The following CTBP1 variants were observed in gnomAD, a reference collection of about 807,000 sequenced individuals.
The protein encoded by CTBP1 is C-terminal-binding protein 1.
In CTBP1, 11 loss-of-function variants were observed where a neutral mutation model predicts 42.1. The observed-to-expected ratio is 0.26, with a 90% CI of 0.16 to 0.43. The LOEUF (loss-of-function observed/expected upper bound fraction) is 0.43. CTBP1 is among the 20% of genes least tolerant of loss of function. The pLI is 1.00. For synonymous variants in CTBP1, 324 were observed against 277.1 expected (o/e 1.17, Z -1.68); for missense variants, 399 against 624.3 (o/e 0.64, Z 3.85).
At chr4:1,214,541 G>A (rs966342208) in intron 6 of CTBP1, 68 bp from the exon 7 acceptor site, 2 of 1,498,218 alleles carry the variant, frequency 1.3e-6, no homozygotes, top group East Asian at 2.7e-5. Flanking sequence ...AGGGAAGCAA[G>A]GTGGTCACGC....
chr4:1,239,068 A>C (rs780539961), intron 2 of CTBP1, among the ~76,000 whole-genome samples: 8 of 152,252 alleles, frequency 5.3e-5, no homozygotes, highest in Non-Finnish European at 1.2e-4. Context: ...GAACAAAGGA[A>C]GAAAAGGGTT....
intron 3 of CTBP1, chr4:1,236,908 G>A (rs1248216663): frequency 6.0e-6 from 4 of 671,728 alleles, no homozygotes; most frequent in South Asian, 1.6e-5. Context: ...ATGGGGCTCA[G>A]GGCAAACCCG....
chr4:1,237,100 G>C, intron 3 of CTBP1: 1 of 660,306 alleles, frequency 1.5e-6, no homozygotes, highest in East Asian at 2.8e-5. Flanking sequence ...CTCCTGATGA[G>C]GCTCAGGAGA....
intron 5 of CTBP1, chr4:1,218,000 G>A (rs80061036): frequency 0.034 from 5,105 of 152,298 alleles, 108 homozygotes; most frequent in Middle Eastern, 0.065. Context: ...CCTCTGAAAC[G>A]GAACTCCCTG....
rs372357132 is a variant in CTBP1, at chr4:1,228,187, G to A, written c.307+12C>T. The A allele has an allele frequency of 5.6e-6, 9 of 1,613,820 alleles. No homozygotes were observed. The highest frequency in any genetic ancestry group is 7.6e-6 in the Non-Finnish European group (9 of 1,179,872). Reference sequence around the variant, plus strand: ...ATGAATGGGCACAGGAGAGAACTCGGAGCCGGCCTACCTAAATCCCCGGCC... The same window carrying A: ...ATGAATGGGCACAGGAGAGAACTCGAAGCCGGCCTACCTAAATCCCCGGCC... On this transcript the variant is annotated intron_variant, in intron 4 of 9. Transcript: ENST00000382952.
Position 1,212,930 on chromosome 4 carries a change from G to A in CTBP1, c.1089C>T (p.Leu363=), listed in dbSNP as rs374463830. The change falls in exon 9 of 10, where the codon CTC becomes CTT. Residue 363 remains leucine (L), a synonymous_variant. Coordinates refer to ENST00000382952, the MANE Select transcript of CTBP1 (RefSeq NM_001012614.2). ...SMDPAVVHPE[L]NGAAYRYPPG... ...CTGCTCACCTATAGGCAGCCCCATTGAGCTCAGGGTGCACGACGGCGGGGT... is the reference window on the plus strand; with the variant it reads ...CTGCTCACCTATAGGCAGCCCCATTAAGCTCAGGGTGCACGACGGCGGGGT... The A allele has an allele frequency of 6.2e-7, 1 of 1,613,692 alleles. No homozygotes were observed. Among genetic ancestry groups the A allele is most frequent in the Non-Finnish European group, 8.5e-7 (1 of 1,179,962 alleles).
chr4:1,221,024 A>C (rs540067169), intron 5 of CTBP1, among the ~76,000 whole-genome samples: 1 of 152,374 alleles, frequency 6.6e-6, no homozygotes, highest in Admixed American at 6.5e-5. Flanking sequence ...GAAAGTGAAA[A>C]GTCAAGCCAC....
At chr4:1,214,689 G>A (rs1320815610) in intron 6 of CTBP1, among the ~76,000 whole-genome samples, 1 of 152,240 alleles carries the variant, frequency 6.6e-6, no homozygotes, top group Non-Finnish European at 1.5e-5. Context: ...GTATGGACCT[G>A]CACGGCCCCA....
intron 1 of CTBP1, among the ~76,000 whole-genome samples, chr4:1,247,242 C>T (rs1732807931): frequency 6.6e-6 from 1 of 152,244 alleles, no homozygotes; most frequent in Admixed American, 6.5e-5. Context: ...GCAGACACCC[C>T]AAAAATGGCC....
chr4:1,234,201 A>G (rs894767075), intron 3 of CTBP1, among the ~76,000 whole-genome samples: 1 of 152,206 alleles, frequency 6.6e-6, no homozygotes. Flanking sequence ...GACTCCACAC[A>G]CAGCCCCGGG....
At chr4:1,247,950 G>A (rs953969308) in intron 1 of CTBP1, among the ~76,000 whole-genome samples, 1 of 152,230 alleles carries the variant, frequency 6.6e-6, no homozygotes, top group African/African-American at 2.4e-5. Flanking sequence ...GGAGACGACA[G>A]CAAAAGGGAT....
intron 1 of CTBP1, chr4:1,244,084 T>C: frequency 1.0e-6 from 1 of 985,374 alleles, no homozygotes; most frequent in Non-Finnish European, 1.2e-6. Context: ...TCTGGAGGCA[T>C]CAAGTCCCGG....
chr4:1,226,188 C>CTTGTCCCCA (rs1242615385), intron 4 of CTBP1, among the ~76,000 whole-genome samples: 1 of 152,186 alleles, frequency 6.6e-6, no homozygotes, highest in Non-Finnish European at 1.5e-5. Flanking sequence ...CGCTCCCGGC[C>CTTGTCCCCA]TTGTCCCCAG....
chr4:1,231,908 C>T lies in CTBP1; in HGVS notation c.163-3565G>A, dbSNP rs376665974. Among the ~76,000 whole-genome samples, 343 of 152,376 alleles carry T rather than the reference C, an allele frequency of 2.3e-3. 1 individual carries two copies. The highest frequency in any genetic ancestry group is 7.8e-3 in the African/African-American group (325 of 41,588). On this transcript the variant is annotated intron_variant, in intron 3 of 9. Transcript: ENST00000382952. Reference sequence around the variant, plus strand: ...CGCAGGCCAGGCCAGGGGTTACCGGCGGTGCCTGCTGCACCTGTGAGAACC... The same window carrying T: ...CGCAGGCCAGGCCAGGGGTTACCGGTGGTGCCTGCTGCACCTGTGAGAACC...
intron 4 of CTBP1, 128 bp downstream of exon 4, chr4:1,228,071 A>G (rs969529011): frequency 2.2e-6 from 3 of 1,349,416 alleles, no homozygotes; most frequent in Non-Finnish European, 3.1e-6. Context: ...GGGACCACGA[A>G]CCACCGCCAG....
chr4:1,235,284 G>C lies in CTBP1; in HGVS notation c.162+2899C>G, dbSNP rs912208376. ...GGCCACTGGGCTGCATTACAAGCAC[G>C]CATCTACCCGTGTGAGAAACCATGA... On this transcript the variant is annotated intron_variant, in intron 3 of 9. Coordinates refer to ENST00000382952, the MANE Select transcript of CTBP1 (RefSeq NM_001012614.2). The surrounding 1 kb of genome is among the most constrained non-coding windows in gnomAD (Gnocchi z 4.2). 1 of 152,190 alleles carries C rather than the reference G, an allele frequency of 6.6e-6. No individual in the cohort carries two copies. The highest frequency in any genetic ancestry group is 1.5e-5 in the Non-Finnish European group (1 of 68,036). The allele number at this position is 152,190 out of a possible 1,614,324, so 9.4% of individuals were successfully genotyped here. A position where few individuals can be genotyped will look rare whatever the true frequency, so the allele number is the denominator to read the frequency against.
At chr4:1,219,738 C>G (rs1729531487) in intron 5 of CTBP1, among the ~76,000 whole-genome samples, 1 of 152,226 alleles carries the variant, frequency 6.6e-6, no homozygotes, top group South Asian at 2.1e-4. Flanking sequence ...TCTCATTACG[C>G]CATCCAGGCT....
chr4:1,245,237 A>C, intron 1 of CTBP1: 4 of 985,378 alleles, frequency 4.1e-6, no homozygotes, highest in Non-Finnish European at 4.8e-6. Flanking sequence ...AGCTCAGAGG[A>C]CACAGCGCAG....
At chr4:1,232,668 T>C (rs1221334704) in intron 3 of CTBP1, among the ~76,000 whole-genome samples, 1 of 152,210 alleles carries the variant, frequency 6.6e-6, no homozygotes, top group Non-Finnish European at 1.5e-5. Flanking sequence ...TCCTCTGTAG[T>C]ATCACATTTT....
Sources: gnomAD v4.1 joint callset for allele counts (sites outside exome capture counted in the v4.1 genomes callset) on GRCh38, gnomAD v4.1.1 for gene constraint, Gnocchi (gnomAD v3.1) non-coding constraint, MANE v1.5 for transcripts, NCBI Gene and HGNC (gene_info 2026-07-23, HGNC 2026-07-21) for gene names.